The following CC2D2B variants were observed in gnomAD, a reference collection of about 807,000 sequenced individuals.
CC2D2B encodes protein CC2D2B.
A neutral mutation model predicts 161.2 loss-of-function variants in CC2D2B; 128 were observed. The observed-to-expected ratio is 0.79, with a 90% CI of 0.69 to 0.92. CC2D2B has a LOEUF of 0.92. Ranked by LOEUF, CC2D2B falls within the 40% of genes least tolerant of loss-of-function variation. The pLI is 0.00. For missense variants in CC2D2B, 1,173 were observed against 1,375.1 expected, an observed-to-expected ratio of 0.85 and a Z score of 2.32; for synonymous variants, 391 against 449.8, an observed-to-expected ratio of 0.87 and a Z score of 1.65.
intron 9 of CC2D2B, among the ~76,000 whole-genome samples, chr10:95,947,936 G>A (rs1304098771): frequency 1.3e-5 from 2 of 152,090 alleles, no homozygotes; most frequent in African/African-American, 4.8e-5. Context: ...ATTTCCCAGA[G>A]GATCACCAGT....
chr10:95,913,434 G>A, intron 2 of CC2D2B: 1 of 418,836 alleles, frequency 2.4e-6, no homozygotes, highest in Admixed American at 2.6e-5. Flanking sequence ...ACATGGGAGT[G>A]CAGGTATGTC....
In CC2D2B at chr10:95,934,847, CCA is replaced by C. The variant is rs560477560; in HGVS notation, c.337-3141_337-3140del. On this transcript the variant is annotated intron_variant, in intron 6 of 34. Coordinates refer to ENST00000646931, the MANE Select transcript of CC2D2B (RefSeq NM_001349008.3). ...TGTTCCTATTCCGCCATCTTGCCAGCCACAGAGTTTTTTGTTTGTTTGTTTTG... is the reference window on the plus strand; with the variant it reads ...TGTTCCTATTCCGCCATCTTGCCAGCCAGAGTTTTTTGTTTGTTTGTTTTG... Among the ~76,000 whole-genome samples the C allele has an allele frequency of 5.1e-3, 761 of 150,300 alleles. 7 individuals carry two copies. Among genetic ancestry groups the C allele is most frequent in the African/African-American group, 0.018 (717 of 40,826 alleles).
chr10:95,936,965 T>A (rs1025702289), intron 6 of CC2D2B, among the ~76,000 whole-genome samples: 14 of 152,270 alleles, frequency 9.2e-5, no homozygotes, highest in African/African-American at 2.6e-4. Flanking sequence ...AGAGCCCCCA[T>A]GTGGAGATCC....
intron 15 of CC2D2B, among the ~76,000 whole-genome samples, 168 bp from the exon 16 acceptor site, chr10:95,971,898 A>G (rs1379958436): frequency 6.6e-6 from 1 of 152,232 alleles, no homozygotes; most frequent in Non-Finnish European, 1.5e-5. Context: ...TACACTTTCA[A>G]GGACATGACT....
At chr10:96,021,171 T>G (rs1032418664) in intron 32 of CC2D2B, 3 of 152,224 alleles carry the variant, frequency 2.0e-5, no homozygotes, top group Non-Finnish European at 4.4e-5. Context: ...TGTAAATGCT[T>G]TGGAAAACAA....
chr10:95,961,265 C>T (rs1026139982), intron 11 of CC2D2B, among the ~76,000 whole-genome samples: 4 of 152,082 alleles, frequency 2.6e-5, no homozygotes, highest in African/African-American at 7.2e-5. Context: ...CAGTGGCTTA[C>T]GCTTATAACC....
intron 17 of CC2D2B, among the ~76,000 whole-genome samples, chr10:95,974,416 A>C (rs2077244894): frequency 6.6e-6 from 1 of 152,188 alleles, no homozygotes; most frequent in African/African-American, 2.4e-5. Flanking sequence ...TTGTAGGCAA[A>C]GGTCAAGACT....
chr10:96,032,591 G>C lies in CC2D2B; in HGVS notation c.*583G>C. 3.1e-6 allele frequency: 1 copy of C among 322,620 alleles called. No individual in the cohort carries two copies. Among genetic ancestry groups the C allele is most frequent in the Non-Finnish European group, 6.3e-6 (1 of 159,780 alleles). 20.0% of individuals were successfully genotyped at this position (322,620 alleles called of 1,614,324 possible). A position where few individuals can be genotyped will look rare whatever the true frequency, so the allele number is the denominator to read the frequency against. On this transcript the variant is annotated 3_prime_UTR_variant, in exon 35 of 35. Transcript: ENST00000646931. Reference sequence around the variant, plus strand: ...TCTGATACAATTTCAGATGGAAGCTGCTCGAGTGGAAAACTAAGGTCATTG... The same window carrying C: ...TCTGATACAATTTCAGATGGAAGCTCCTCGAGTGGAAAACTAAGGTCATTG...
intron 25 of CC2D2B, among the ~76,000 whole-genome samples, chr10:96,004,541 A>G (rs2078664691): frequency 6.6e-6 from 1 of 152,234 alleles, no homozygotes; most frequent in Admixed American, 6.5e-5. Context: ...CCTGTAGCCA[A>G]TACAGAAATA....
chr10:96,001,047 T>C (rs1319030150), intron 24 of CC2D2B, among the ~76,000 whole-genome samples: 2 of 152,188 alleles, frequency 1.3e-5, no homozygotes, highest in Non-Finnish European at 2.9e-5. Flanking sequence ...TATACACCTA[T>C]GTTCCTGCTT....
In CC2D2B at chr10:96,029,265, T is replaced by C. The variant is rs865815660; in HGVS notation, c.4125+1876T>C. ...CCATATATATATATATATATATATA[T>C]ATATATATATATATATATATGTATA... is the stretch of plus-strand genomic sequence containing the variant. On this transcript the variant is annotated intron_variant, in intron 34 of 34. Coordinates refer to ENST00000646931, the MANE Select transcript of CC2D2B (RefSeq NM_001349008.3). Among the ~76,000 whole-genome samples the C allele has an allele frequency of 7.4e-4, 57 of 76,802 alleles. 2 individuals are homozygous for C. The South Asian group carries it at 0.012, about 16-fold the overall frequency. 50.4% of individuals were successfully genotyped at this position (76,802 alleles called of 152,430 possible).
intron 6 of CC2D2B, among the ~76,000 whole-genome samples, chr10:95,936,983 C>A (rs1223913185): frequency 1.3e-5 from 2 of 152,160 alleles, no homozygotes; most frequent in Non-Finnish European, 2.9e-5. Context: ...TCCGCCAAAT[C>A]TTGCTCCTAG....
intron 1 of CC2D2B, among the ~76,000 whole-genome samples, chr10:95,909,053 T>C (rs977265769): frequency 1.3e-5 from 2 of 152,164 alleles, no homozygotes; most frequent in Non-Finnish European, 2.9e-5. Context: ...CTCAGAGCAG[T>C]GGGTGATTTA....
chr10:95,938,984 C>A, intron 9 of CC2D2B, 59 bp downstream of exon 9: 1 of 631,964 alleles, frequency 1.6e-6, no homozygotes, highest in South Asian at 2.1e-5. Flanking sequence ...TCAATTATCG[C>A]TGGTGGTTTT....
intron 25 of CC2D2B, 52 bp downstream of exon 25, chr10:96,004,300 C>A: frequency 1.1e-6 from 1 of 942,846 alleles, no homozygotes; most frequent in African/African-American, 1.7e-5. Context: ...TAAGGTCAAA[C>A]TGAATGAAGT....
intron 19 of CC2D2B, among the ~76,000 whole-genome samples, chr10:95,984,888 C>T (rs2077659861): frequency 6.6e-6 from 1 of 151,774 alleles, no homozygotes; most frequent in Non-Finnish European, 1.5e-5. Context: ...AAAAATTACA[C>T]ACACACCCAC....
intron 33 of CC2D2B, among the ~76,000 whole-genome samples, chr10:96,026,350 G>A (rs1373015825): frequency 1.3e-5 from 2 of 152,116 alleles, no homozygotes. Flanking sequence ...GGATATATAT[G>A]GGTAACAATG....
chr10:95,990,404 C>A (rs946040618), intron 20 of CC2D2B, among the ~76,000 whole-genome samples: 4 of 152,036 alleles, frequency 2.6e-5, no homozygotes, highest in East Asian at 3.9e-4. Context: ...ATATTCTAGG[C>A]TGATGGAACC....
intron 9 of CC2D2B, among the ~76,000 whole-genome samples, chr10:95,945,098 G>C (rs2076151359): frequency 1.3e-5 from 2 of 152,206 alleles, no homozygotes; most frequent in South Asian, 4.1e-4. Flanking sequence ...GTCCACACTA[G>C]ACATGAGATG....
Sources: gnomAD v4.1 joint callset for allele counts (sites outside exome capture counted in the v4.1 genomes callset) on GRCh38, gnomAD v4.1.1 for gene constraint, MANE v1.5 for transcripts, NCBI Gene and HGNC (gene_info 2026-07-23, HGNC 2026-07-21) for gene names.